The following UNKL variants were observed in gnomAD, a reference collection of about 807,000 sequenced individuals.
UNKL encodes the protein unk like zinc finger.
UNKL carries 60 observed loss-of-function variants against 78.0 expected under a neutral mutation model. The observed-to-expected ratio is 0.77, with a 90% CI of 0.63 to 0.95. UNKL has a LOEUF of 0.95. Among genes scored for constraint, UNKL ranks in the 40% least tolerant of loss-of-function variants. The pLI, the probability that UNKL is intolerant of heterozygous loss-of-function variation, is 0.00. For synonymous variants in UNKL, 608 were observed against 474.8 expected, an observed-to-expected ratio of 1.28 and a Z score of -3.65; for missense variants, 1,159 against 1,045.7, an observed-to-expected ratio of 1.11 and a Z score of -1.49.
At chr16:1,375,999 C>A (rs1171549657) in intron 10 of UNKL, among the ~76,000 whole-genome samples, 2 of 152,240 alleles carry the variant, frequency 1.3e-5, no homozygotes, top group Non-Finnish European at 2.9e-5. Context: ...CAGAGGACCA[C>A]GCACTGAGCG....
chr16:1,379,680 C>A, intron 10 of UNKL: 2 of 984,546 alleles, frequency 2.0e-6, no homozygotes, highest in South Asian at 9.3e-5. Context: ...GCCGGGGATT[C>A]AAACCCGGCC....
rs893132402 is a variant in UNKL, at chr16:1,413,719, T to C, written c.287+127A>G. 7.4e-6 allele frequency: 8 copies of C among 1,078,666 alleles called. No individual in the cohort carries two copies. The African/African-American group carries it at 1.3e-4, about 17-fold the overall frequency. 66.8% of individuals were successfully genotyped at this position (1,078,666 alleles called of 1,614,324 possible). A position where few individuals can be genotyped will look rare whatever the true frequency, so the allele number is the denominator to read the frequency against. On this transcript the variant is annotated intron_variant, in intron 2 of 14. Transcript: ENST00000389221. The stretch of plus-strand genomic sequence containing the variant: ...CTGGTCACTAGAAAATTTCAGCGTA[T>C]AATTACGACTCCCTCTGCAGGGGCC...
Position 1,388,177 on chromosome 16 carries a change from G to A in UNKL, c.1086+2455C>T, listed in dbSNP as rs77024366. ...GAGCAGGCCTGCCCCGCCCTGGGTC[G>A]GACAGGGAGTCTGTGCCCCGCACCT... On this transcript the variant is annotated intron_variant, in intron 9 of 14. Transcript: ENST00000389221. Among the ~76,000 whole-genome samples, 217 of 152,232 alleles carry A rather than the reference G, an allele frequency of 1.4e-3. 1 individual carries two copies. Among genetic ancestry groups the A allele is most frequent in the African/African-American group, 5.0e-3 (207 of 41,540 alleles).
chr16:1,378,716 C>T (rs1367350667), intron 10 of UNKL, among the ~76,000 whole-genome samples: 1 of 152,136 alleles, frequency 6.6e-6, no homozygotes, highest in African/African-American at 2.4e-5. Context: ...GTTCAGGGAG[C>T]GTGTGGGTGC....
chr16:1,392,784 A>C lies in UNKL; in HGVS notation c.1023+107T>G, dbSNP rs373305943. 3.8e-4 allele frequency: 508 copies of C among 1,339,046 alleles called. 6 individuals carry two copies. In the South Asian group the frequency reaches 6.2e-3, roughly 16 times the overall value. 82.9% of individuals were successfully genotyped at this position (1,339,046 alleles called of 1,614,324 possible). ...CTTCTAGAAGAGCCACGAACTCCAC[A>C]GACTGCCCACGACCACATTGCTGAA... On this transcript the variant is annotated intron_variant, in intron 8 of 14. Transcript: ENST00000389221.
At chr16:1,406,178 G>A (rs2037754170) in intron 2 of UNKL, 1 of 390,632 alleles carries the variant, frequency 2.6e-6, no homozygotes, top group Non-Finnish European at 5.2e-6. Flanking sequence ...TGGGGGTGAT[G>A]GGAGGAACAG....
Position 1,387,718 on chromosome 16 carries a change from G to A in UNKL, c.1087-2333C>T, listed in dbSNP as rs1415341038. Among the ~76,000 whole-genome samples, 1 of 152,054 alleles carries A rather than the reference G, an allele frequency of 6.6e-6. No homozygotes were observed. The highest frequency in any genetic ancestry group is 1.5e-5 in the Non-Finnish European group (1 of 67,992). On this transcript the variant is annotated intron_variant, in intron 9 of 14. Transcript: ENST00000389221. The surrounding 1 kb of genome is among the most constrained non-coding windows in gnomAD (Gnocchi z 4.1). ...ACGGCCCTCCGGGGACGTGGACACTGCACAGCCGCACGGCTGCCCGGCCCT... is the reference window on the plus strand; with the variant it reads ...ACGGCCCTCCGGGGACGTGGACACTACACAGCCGCACGGCTGCCCGGCCCT...
intron 2 of UNKL, among the ~76,000 whole-genome samples, 196 bp downstream of exon 2, chr16:1,413,650 C>T (rs972616544): frequency 6.6e-6 from 1 of 152,234 alleles, no homozygotes; most frequent in Non-Finnish European, 1.5e-5. Flanking sequence ...ACACATAATC[C>T]CTCGGGAACT....
chr16:1,403,120 C>A lies in UNKL; in HGVS notation c.464+48G>T, dbSNP rs200090108. On this transcript the variant is annotated intron_variant, in intron 3 of 14. Coordinates refer to ENST00000389221, the MANE Select transcript of UNKL (RefSeq NM_001372107.1). The surrounding 1 kb of genome is among the most constrained non-coding windows in gnomAD (Gnocchi z 4.8). ...CCGAGTTCCTGCTCATCCAGCAGAG[C>A]CCACAGCAGCAGGCAGGCCAAGTGC... is the stretch of plus-strand genomic sequence containing the variant. 28 of 1,567,646 alleles carry A rather than the reference C, an allele frequency of 1.8e-5. No homozygotes were observed. The Admixed American group carries it at 4.9e-4, about 27-fold the overall frequency.
At position 1,414,040 on chromosome 16, in the gene UNKL, G is replaced by A. The variant is rs1196051867; in HGVS notation, c.93C>T (p.Phe31=). The part of the protein sequence containing the change: ...KPTHYRYLKE[F]RTEQCPLFSQ... ...AAAACAGGGGGCACTGCTCCGTCCT[G>A]AACTCCTTCAGGTACCTACAAACAC... Residue 31 remains phenylalanine, a synonymous_variant, in exon 2 of 15, where the codon TTC becomes TTT. Coordinates refer to ENST00000389221, the MANE Select transcript of UNKL (RefSeq NM_001372107.1). The A allele has an allele frequency of 1.0e-5, 16 of 1,549,558 alleles. No homozygotes were observed. The highest frequency in any genetic ancestry group is 2.4e-5 in the East Asian group (1 of 40,880).
Position 1,399,272 on chromosome 16 carries a change from G to C in UNKL, c.734+102C>G. 1 of 1,424,450 alleles carries C rather than the reference G, an allele frequency of 7.0e-7. No homozygotes were observed. Among genetic ancestry groups the C allele is most frequent in the South Asian group, 1.5e-5 (1 of 67,364 alleles). The allele number at this position is 1,424,450 out of a possible 1,614,324, so 88.2% of individuals were successfully genotyped here. A position where few individuals can be genotyped will look rare whatever the true frequency, so the allele number is the denominator to read the frequency against. ...CCTCCCGGGGATGATGGTGCCACAA[G>C]GGCAGCCCTCCCATTAGAACCCCGG... On this transcript the variant is annotated intron_variant, in intron 5 of 14. Transcript: ENST00000389221. This position sits in a 1 kb window ranked among gnomAD's most constrained non-coding sequence, Gnocchi z 5.8.
At position 1,364,808 on chromosome 16, in the gene UNKL, C is replaced by G. The variant is rs1156265254; in HGVS notation, c.*1432G>C. 6.6e-6 allele frequency: 1 copy of G among 152,228 alleles called. No individual in the cohort carries two copies. Among genetic ancestry groups the G allele is most frequent in the Non-Finnish European group, 1.5e-5 (1 of 68,096 alleles). 9.4% of individuals were successfully genotyped at this position (152,228 alleles called of 1,614,324 possible). A position where few individuals can be genotyped will look rare whatever the true frequency, so the allele number is the denominator to read the frequency against. On this transcript the variant is annotated 3_prime_UTR_variant, in exon 15 of 15. Coordinates refer to ENST00000389221, the MANE Select transcript of UNKL (RefSeq NM_001372107.1). ...AGGTGACTGCCACATACACCCGGCA[C>G]CCCGGACCCTGGCGCACACACGGCC...
intron 3 of UNKL, among the ~76,000 whole-genome samples, chr16:1,402,000 C>T (rs2037547676): frequency 6.6e-6 from 1 of 152,212 alleles, no homozygotes; most frequent in Non-Finnish European, 1.5e-5. Flanking sequence ...CGGGCTCAAG[C>T]GATCCTCCCA....
At chr16:1,371,069 C>T (rs1259245705) in intron 11 of UNKL, among the ~76,000 whole-genome samples, 6 of 129,004 alleles carry the variant, frequency 4.7e-5, no homozygotes, top group East Asian at 2.2e-4. Flanking sequence ...GGCGACAGAG[C>T]GAGGCTCTGT....
At chr16:1,371,737 G>A (rs1404060599) in intron 10 of UNKL, 126 bp from the exon 11 acceptor site, 30 of 984,464 alleles carry the variant, frequency 3.0e-5, no homozygotes, top group Admixed American at 2.6e-5. Context: ...CGTGGGAGTT[G>A]CTGGGGCAGC....
intron 10 of UNKL, among the ~76,000 whole-genome samples, chr16:1,378,491 T>A (rs867809124): frequency 1.3e-5 from 2 of 152,162 alleles, no homozygotes; most frequent in Non-Finnish European, 2.9e-5. Context: ...GCGCCTTTTC[T>A]CCCCTTGGAG....
intron 12 of UNKL, among the ~76,000 whole-genome samples, chr16:1,368,909 A>C (rs1250661335): frequency 1.3e-5 from 2 of 152,086 alleles, no homozygotes; most frequent in East Asian, 3.8e-4. Context: ...AAAAACTTTT[A>C]AAATTTTGTA....
chr16:1,401,505 G>A (rs543893684), intron 4 of UNKL, 63 bp downstream of exon 4: 28 of 1,424,580 alleles, frequency 2.0e-5, no homozygotes, highest in East Asian at 1.0e-4. Flanking sequence ...CAAGTGGCCC[G>A]AGCTGTTCTC....
rs1055596399 is a variant in UNKL, at chr16:1,405,814, G to A, written c.288-2470C>T. ...GCACATGGGCACCGCTCTGCCTCAC[G>A]CTCCAATGCCCTGGACCCACCGAGA... On this transcript the variant is annotated intron_variant, in intron 2 of 14. Transcript: ENST00000389221. The A allele has an allele frequency of 1.3e-5, 5 of 373,904 alleles. No individual in the cohort carries two copies. In the Middle Eastern group the frequency reaches 1.9e-3, roughly 142 times the overall value. The allele number at this position is 373,904 out of a possible 1,614,324, so 23.2% of individuals were successfully genotyped here. A position where few individuals can be genotyped will look rare whatever the true frequency, so the allele number is the denominator to read the frequency against.
Sources: allele counts gnomAD v4.1 joint callset (sites outside exome capture counted in the v4.1 genomes callset), GRCh38; gene constraint gnomAD v4.1.1; non-coding constraint Gnocchi (gnomAD v3.1); transcripts MANE v1.5; gene names NCBI Gene and HGNC (gene_info 2026-07-23, HGNC 2026-07-21).